The following CDK5RAP2 variants were observed in gnomAD, a reference collection of about 807,000 sequenced individuals.
The protein encoded by CDK5RAP2 is CDK5 regulatory subunit-associated protein 2.
A neutral mutation model predicts 232.9 loss-of-function variants in CDK5RAP2; 147 were observed. The ratio of observed to expected loss-of-function variants is 0.63; its 90% CI spans 0.55 to 0.72. The LOEUF (loss-of-function observed/expected upper bound fraction) is 0.72. Ranked by LOEUF, CDK5RAP2 falls within the 30% of genes least tolerant of loss-of-function variation. The pLI is 0.00. For missense variants in CDK5RAP2, 2,195 were observed against 2,231.5 expected (o/e 0.98, Z 0.33); for synonymous variants, 833 against 833.7 (o/e 1.00, Z 0.01).
At chr9:120,555,140 G>A (rs955474361) in intron 3 of CDK5RAP2, among the ~76,000 whole-genome samples, 1 of 150,162 alleles carries the variant, frequency 6.7e-6, no homozygotes, top group Non-Finnish European at 1.5e-5. Flanking sequence ...TTTTTTGGGG[G>A]GGGGTGGGGG....
intron 12 of CDK5RAP2, among the ~76,000 whole-genome samples, chr9:120,506,509 C>T (rs752241714): frequency 2.0e-5 from 3 of 152,190 alleles, no homozygotes; most frequent in Non-Finnish European, 4.4e-5. Flanking sequence ...AGTGATTCCT[C>T]TGATGGATCT....
At chr9:120,523,705 T>C (rs539057643) in intron 11 of CDK5RAP2, among the ~76,000 whole-genome samples, 1 of 152,168 alleles carries the variant, frequency 6.6e-6, no homozygotes, top group East Asian at 1.9e-4. Flanking sequence ...GTGCAAGAGG[T>C]GGGAGGAGGA....
intron 14 of CDK5RAP2, among the ~76,000 whole-genome samples, chr9:120,483,410 G>A (rs1171356465): frequency 6.6e-6 from 1 of 152,210 alleles, no homozygotes; most frequent in African/African-American, 2.4e-5. Context: ...TCATGTCAAC[G>A]ACAGAGCCCT....
intron 36 of CDK5RAP2, 65 bp from the exon 37 acceptor site, chr9:120,389,852 C>T: frequency 6.7e-7 from 1 of 1,487,056 alleles, no homozygotes; most frequent in East Asian, 2.3e-5. Context: ...GTGTGAAAGC[C>T]AAGTGCAGGG....
chr9:120,499,946 T>G (rs895347054), intron 12 of CDK5RAP2, among the ~76,000 whole-genome samples: 1 of 152,172 alleles, frequency 6.6e-6, no homozygotes, highest in Admixed American at 6.5e-5. Flanking sequence ...AGCAATTAAT[T>G]AATGATAACA....
At chr9:120,556,731 T>A (rs1389153886) in intron 3 of CDK5RAP2, among the ~76,000 whole-genome samples, 54 of 152,226 alleles carry the variant, frequency 3.5e-4, no homozygotes, top group Non-Finnish European at 2.6e-4. Context: ...ACCCGGCCCA[T>A]AAATACAATT....
At position 120,453,620 on chromosome 9, in the gene CDK5RAP2, C is replaced by T. The variant is rs1411834944; in HGVS notation, c.2629G>A (p.Ala877Thr). ...AATCTCAGCAGGTCGCCCTCCGTGGCCACAGTCTGCACTGAGGCATCTTTC... is the reference window on the plus strand; with the variant it reads ...AATCTCAGCAGGTCGCCCTCCGTGGTCACAGTCTGCACTGAGGCATCTTTC... ...GLKDASVQTV[A>T]TEGDLLRFKH... is the part of the protein sequence containing the mutation. The change falls in exon 21 of 38, where the codon GCC becomes ACC. Residue 877 changes from alanine to threonine, a missense_variant. Physicochemically the swap from Ala to Thr is moderately conservative, Grantham distance 58. Transcript: ENST00000349780. 4.3e-6 allele frequency: 7 copies of T among 1,614,078 alleles called. No individual in the cohort carries two copies. The highest frequency in any genetic ancestry group is 1.3e-5 in the African/African-American group (1 of 74,908).
chr9:120,525,659 C>T (rs1208198422), intron 10 of CDK5RAP2, among the ~76,000 whole-genome samples: 1 of 152,118 alleles, frequency 6.6e-6, no homozygotes, highest in Non-Finnish European at 1.5e-5. Context: ...GCTCTGTCAC[C>T]CAGGCTAGAG....
At chr9:120,504,918 T>C (rs1393960091) in intron 12 of CDK5RAP2, among the ~76,000 whole-genome samples, 1 of 152,186 alleles carries the variant, frequency 6.6e-6, no homozygotes, top group Admixed American at 6.5e-5. Flanking sequence ...AAGGCCCAAT[T>C]TGATTACTCA....
chr9:120,526,968 C>T (rs543512280), intron 10 of CDK5RAP2, among the ~76,000 whole-genome samples: 1 of 152,274 alleles, frequency 6.6e-6, no homozygotes, highest in Admixed American at 6.5e-5. Context: ...AAGCACTGCA[C>T]CCCACATGCA....
At position 120,550,786 on chromosome 9, in the gene CDK5RAP2, A is replaced by G. The variant is rs2042014840; in HGVS notation, c.306+6T>C. The G allele has an allele frequency of 2.0e-6, 3 of 1,492,598 alleles. No individual in the cohort carries two copies. The highest frequency in any genetic ancestry group is 2.8e-6 in the Non-Finnish European group (3 of 1,068,986). 92.5% of individuals were successfully genotyped at this position (1,492,598 alleles called of 1,614,324 possible). ...AAGGGACAGTAATGAGAAATGGGCC[A>G]CTCACAGTTTTGTAGATATGTTCAG... On this transcript the variant is annotated splice_donor_region_variant and intron_variant, in intron 4 of 37. Coordinates refer to ENST00000349780, the MANE Select transcript of CDK5RAP2 (RefSeq NM_018249.6).
chr9:120,512,753 T>C (rs912010036), intron 12 of CDK5RAP2, among the ~76,000 whole-genome samples: 5 of 152,236 alleles, frequency 3.3e-5, no homozygotes, highest in African/African-American at 1.2e-4. Context: ...TAACGACGGC[T>C]GAGCAGTGTA....
chr9:120,400,525 A>G (rs2032909811), intron 35 of CDK5RAP2, among the ~76,000 whole-genome samples: 1 of 152,186 alleles, frequency 6.6e-6, no homozygotes, highest in Non-Finnish European at 1.5e-5. Flanking sequence ...ACGGGATTCT[A>G]CTCAACAAAG....
At chr9:120,547,570 C>T (rs1004285006) in intron 4 of CDK5RAP2, among the ~76,000 whole-genome samples, 2 of 152,050 alleles carry the variant, frequency 1.3e-5, no homozygotes, top group African/African-American at 4.8e-5. Flanking sequence ...CACCACTGCA[C>T]TCCAGCCTAG....
intron 1 of CDK5RAP2, among the ~76,000 whole-genome samples, chr9:120,576,538 C>T (rs1158478076): frequency 6.6e-6 from 1 of 152,116 alleles, no homozygotes; most frequent in Non-Finnish European, 1.5e-5. Flanking sequence ...CCCGTCTCTA[C>T]TAAAAATATA....
intron 36 of CDK5RAP2, 135 bp downstream of exon 36, chr9:120,394,376 GT>G (rs2032272302): frequency 1.5e-6 from 2 of 1,360,136 alleles, no homozygotes; most frequent in South Asian, 2.4e-5. Context: ...AAAGGATGGA[GT>G]ATGAAAAGAA....
chr9:120,576,755 G>A (rs1329486246), intron 1 of CDK5RAP2, among the ~76,000 whole-genome samples: 1 of 151,738 alleles, frequency 6.6e-6, no homozygotes, highest in Admixed American at 6.6e-5. Flanking sequence ...ACACCCAAAG[G>A]ATGGCTATAA....
chr9:120,413,542 T>C (rs1564186084), intron 28 of CDK5RAP2, among the ~76,000 whole-genome samples: 1 of 152,232 alleles, frequency 6.6e-6, no homozygotes, highest in Non-Finnish European at 1.5e-5. Flanking sequence ...AATGCTTTTG[T>C]AAACCTTCCC....
At chr9:120,527,519 G>T (rs376018518) in intron 10 of CDK5RAP2, among the ~76,000 whole-genome samples, 46 of 150,872 alleles carry the variant, frequency 3.0e-4, no homozygotes, top group South Asian at 1.5e-3. Flanking sequence ...TTTGGGGGGG[G>T]ATATATATAT....
Sources: gnomAD v4.1 joint callset for allele counts (sites outside exome capture counted in the v4.1 genomes callset) on GRCh38, gnomAD v4.1.1 for gene constraint, MANE v1.5 for transcripts, NCBI Gene and HGNC (gene_info 2026-07-23, HGNC 2026-07-21) for gene names.